Variants in TSEN2 observed in about 807,000 individuals in gnomAD.
TSEN2 encodes tRNA splicing endonuclease subunit 2.
TSEN2 carries 54 observed loss-of-function variants against 59.2 expected under a neutral mutation model. The observed-to-expected ratio is 0.91, with a 90% CI of 0.73 to 1.14. TSEN2 has a LOEUF of 1.14. Ranked by LOEUF, TSEN2 falls within the 50% of genes most tolerant of loss-of-function variation. TSEN2 has a pLI of 0.00. For synonymous variants in TSEN2, 195 were observed against 198.2 expected, an observed-to-expected ratio of 0.98 and a Z score of 0.14; for missense variants, 636 against 576.2, an observed-to-expected ratio of 1.10 and a Z score of -1.06.
At chr3:12,525,071 C>T (rs1446700362) in intron 8 of TSEN2, among the ~76,000 whole-genome samples, 1 of 152,046 alleles carries the variant, frequency 6.6e-6, no homozygotes, top group Non-Finnish European at 1.5e-5. Flanking sequence ...GTCACTCTAC[C>T]TTCTTGTTTC....
intron 7 of TSEN2, among the ~76,000 whole-genome samples, chr3:12,517,742 T>C (rs1476272746): frequency 6.6e-6 from 1 of 152,212 alleles, no homozygotes; most frequent in Non-Finnish European, 1.5e-5. Flanking sequence ...TGGCAATTCT[T>C]AGCCCCACCC....
chr3:12,487,816 G>T (rs2052776518), intron 1 of TSEN2, among the ~76,000 whole-genome samples: 1 of 152,202 alleles, frequency 6.6e-6, no homozygotes, highest in Non-Finnish European at 1.5e-5. Flanking sequence ...AGTAGACGTG[G>T]TTTTGTTATA....
At chr3:12,481,605 A>G (rs2052194967), upstream of TSEN2, among the ~76,000 whole-genome samples, 1 of 152,082 alleles carries the variant, frequency 6.6e-6, no homozygotes, top group Non-Finnish European at 1.5e-5. Context: ...CTTATTGGAG[A>G]GAATAGGTGT....
chr3:12,491,462 G>T (rs115508420), intron 2 of TSEN2, among the ~76,000 whole-genome samples: 87 of 152,272 alleles, frequency 5.7e-4, no homozygotes, highest in Middle Eastern at 6.8e-3. Context: ...AATCCAAGAG[G>T]TTTTTTTGGA....
chr3:12,525,474 C>G (rs2057000492), intron 8 of TSEN2, among the ~76,000 whole-genome samples: 1 of 152,120 alleles, frequency 6.6e-6, no homozygotes, highest in South Asian at 2.1e-4. Context: ...GTCATTCATT[C>G]CACACCTCTG....
At chr3:12,502,120 CTGTGAAAGGG>C (rs1433392226) in intron 4 of TSEN2, among the ~76,000 whole-genome samples, 1 of 152,162 alleles carries the variant, frequency 6.6e-6, no homozygotes, top group Non-Finnish European at 1.5e-5. Context: ...TCTCCTTATC[CTGTGAAAGGG>C]TTAGTAGGCA....
At chr3:12,519,970 C>T (rs59171286) in intron 8 of TSEN2, among the ~76,000 whole-genome samples, 2,824 of 152,110 alleles carry the variant, frequency 0.019, 47 homozygotes, top group South Asian at 0.059. Flanking sequence ...TTAATCCTTA[C>T]AGTAGTCCTA....
rs562039327 is a variant in TSEN2, at chr3:12,524,444, C to T, written c.1100-4444C>T. On this transcript the variant is annotated intron_variant, in intron 8 of 11. Transcript: ENST00000284995. ...GGAGAGAATCCATTCCTTGTCTCTT[C>T]CAGATTCTTGTGGCCCCAGGCGTTT... is the stretch of plus-strand genomic sequence containing the variant. Among the ~76,000 whole-genome samples the T allele has an allele frequency of 5.3e-5, 8 of 152,296 alleles. No individual in the cohort carries two copies. The South Asian group carries it at 1.7e-3, about 32-fold the overall frequency.
chr3:12,521,238 C>T (rs2125179462), intron 8 of TSEN2, among the ~76,000 whole-genome samples: 1 of 152,304 alleles, frequency 6.6e-6, no homozygotes, highest in South Asian at 2.1e-4. Context: ...GGGCCAGGTA[C>T]TGTTTGAGGC....
At chr3:12,511,173 C>G (rs1393838990) in intron 6 of TSEN2, 1 of 152,204 alleles carries the variant, frequency 6.6e-6, no homozygotes, top group African/African-American at 2.4e-5. Flanking sequence ...CTTCTGAGAT[C>G]AGACAAGATC....
chr3:12,496,310 C>T (rs1041341995), intron 3 of TSEN2, among the ~76,000 whole-genome samples: 2 of 152,184 alleles, frequency 1.3e-5, no homozygotes, highest in African/African-American at 4.8e-5. Context: ...CCAGCAAGAC[C>T]GATGTGATTG....
chr3:12,527,540 G>T (rs1050304339), intron 8 of TSEN2, among the ~76,000 whole-genome samples: 4 of 146,930 alleles, frequency 2.7e-5, no homozygotes, highest in African/African-American at 1.0e-4. Flanking sequence ...TGCAAGCTCC[G>T]CCTCCCGGCC....
At chr3:12,539,115 T>C (rs1389203836) in intron 10 of TSEN2, 1 of 438,866 alleles carries the variant, frequency 2.3e-6, no homozygotes. Context: ...TTCACTATCA[T>C]GAGCTTACCA....
chr3:12,513,726 A>G (rs941697100), intron 6 of TSEN2, among the ~76,000 whole-genome samples: 3 of 152,218 alleles, frequency 2.0e-5, no homozygotes, highest in Non-Finnish European at 4.4e-5. Flanking sequence ...TATCTTTTCC[A>G]TTGTACCTTT....
chr3:12,510,610 G>A (rs575392302), intron 6 of TSEN2, among the ~76,000 whole-genome samples: 174 of 152,252 alleles, frequency 1.1e-3, no homozygotes, highest in Non-Finnish European at 2.0e-3. Context: ...ATCGTCTTGT[G>A]CCCGGCTCTT....
At chr3:12,492,084 A>G (rs1203070665) in intron 2 of TSEN2, 52 bp from the exon 3 acceptor site, 23 of 1,510,848 alleles carry the variant, frequency 1.5e-5, no homozygotes, top group East Asian at 2.3e-5. Flanking sequence ...TACCTCAGCT[A>G]AAAAACTGGT....
intron 6 of TSEN2, 102 bp downstream of exon 6, chr3:12,505,333 A>G (rs2054698227): frequency 1.3e-6 from 1 of 787,036 alleles, no homozygotes; most frequent in South Asian, 1.4e-5. Context: ...TAATTCAATT[A>G]TTGAATATTG....
At chr3:12,523,353 G>T (rs1354787358) in intron 8 of TSEN2, among the ~76,000 whole-genome samples, 1 of 151,874 alleles carries the variant, frequency 6.6e-6, no homozygotes, top group Admixed American at 6.6e-5. Flanking sequence ...AATGGTGGGA[G>T]CCATTGAAAG....
At chr3:12,510,780 C>G (rs2055364769) in intron 6 of TSEN2, among the ~76,000 whole-genome samples, 1 of 152,138 alleles carries the variant, frequency 6.6e-6, no homozygotes, top group Non-Finnish European at 1.5e-5. Context: ...ACTAGTCTCC[C>G]TCCCCTGCAA....
Sources: gnomAD v4.1 joint callset for allele counts (sites outside exome capture counted in the v4.1 genomes callset) on GRCh38, gnomAD v4.1.1 for gene constraint, MANE v1.5 for transcripts, NCBI Gene and HGNC (gene_info 2026-07-23, HGNC 2026-07-21) for gene names.